The following SUCLG2 variants were observed in gnomAD, a reference collection of about 807,000 sequenced individuals.
SUCLG2 encodes the protein succinate-CoA ligase GDP-forming subunit beta, also known as succinate--CoA ligase [GDP-forming] subunit beta, mitochondrial.
In SUCLG2, 42 loss-of-function variants were observed where a neutral mutation model predicts 47.9. That is an observed-to-expected ratio of 0.88 (90% CI 0.69 to 1.14). The LOEUF (loss-of-function observed/expected upper bound fraction) is 1.14, where lower values mean the gene tolerates loss of function less well. Among genes scored for constraint, SUCLG2 ranks in the 50% most tolerant of loss-of-function variants. The pLI is 0.00. For synonymous variants in SUCLG2, 195 were observed against 197.3 expected, an observed-to-expected ratio of 0.99 and a Z score of 0.10; for missense variants, 571 against 525.9, an observed-to-expected ratio of 1.09 and a Z score of -0.84.
chr3:67,429,098 G>C (rs544784281), intron 9 of SUCLG2, among the ~76,000 whole-genome samples: 1 of 152,096 alleles, frequency 6.6e-6, no homozygotes, highest in African/African-American at 2.4e-5. Flanking sequence ...GAAATACAGA[G>C]AATGCCACAA....
intron 9 of SUCLG2, chr3:67,409,182 T>TGAGGAGGGGTCATGAAGGTACA: frequency 1.2e-6 from 1 of 828,662 alleles, no homozygotes; most frequent in Non-Finnish European, 1.8e-6. Flanking sequence ...TAGATGGGGC[T>TGAGGAGGGGTCATGAAGGTACA]GGGGAGGGGT....
chr3:67,410,017 C>G (rs990607904), intron 9 of SUCLG2, among the ~76,000 whole-genome samples: 1 of 152,156 alleles, frequency 6.6e-6, no homozygotes. Context: ...AATTTGGATT[C>G]TACCTTAATG....
intron 2 of SUCLG2, among the ~76,000 whole-genome samples, chr3:67,583,736 C>A (rs2107262792): frequency 6.6e-6 from 1 of 152,318 alleles, no homozygotes; most frequent in East Asian, 1.9e-4. Flanking sequence ...ACTGAGGTAT[C>A]CAGTTCCTTG....
chr3:67,451,865 T>C, intron 9 of SUCLG2, among the ~76,000 whole-genome samples: 1 of 152,252 alleles, frequency 6.6e-6, no homozygotes, highest in South Asian at 2.1e-4. Flanking sequence ...AAGAACCTGA[T>C]GTGTAGTGTT....
intron 9 of SUCLG2, among the ~76,000 whole-genome samples, chr3:67,459,529 A>C (rs1240671063): frequency 6.6e-6 from 1 of 152,186 alleles, no homozygotes; most frequent in Non-Finnish European, 1.5e-5. Flanking sequence ...GGTCAAGTTT[A>C]AATTTGGGTC....
intron 2 of SUCLG2, among the ~76,000 whole-genome samples, chr3:67,597,019 T>C (rs902981902): frequency 2.0e-5 from 3 of 152,202 alleles, no homozygotes; most frequent in Admixed American, 6.5e-5. Flanking sequence ...CCAGGGACTT[T>C]TGTTAACATG....
At chr3:67,545,540 AAC>A (rs1397635913) in intron 2 of SUCLG2, among the ~76,000 whole-genome samples, 3 of 152,306 alleles carry the variant, frequency 2.0e-5, no homozygotes, top group East Asian at 3.9e-4. Context: ...TCGAATGTTA[AAC>A]ACAGAGGGGA....
chr3:67,481,499 C>A (rs1298598494), intron 9 of SUCLG2, among the ~76,000 whole-genome samples: 2 of 152,236 alleles, frequency 1.3e-5, no homozygotes, highest in Non-Finnish European at 2.9e-5. Flanking sequence ...GCTTTTCAAA[C>A]TCTAACGTGC....
intron 5 of SUCLG2, among the ~76,000 whole-genome samples, chr3:67,519,260 G>A (rs928096136): frequency 1.3e-5 from 2 of 152,144 alleles, no homozygotes; most frequent in African/African-American, 4.8e-5. Flanking sequence ...CAATGGGATG[G>A]TGTCCCATCC....
At chr3:67,451,932 G>A (rs1704066760) in intron 9 of SUCLG2, among the ~76,000 whole-genome samples, 1 of 152,100 alleles carries the variant, frequency 6.6e-6, no homozygotes, top group Non-Finnish European at 1.5e-5. Flanking sequence ...TGAGGACCAG[G>A]ATAACTGAAA....
At chr3:67,605,307 A>G (rs1454486953) in intron 2 of SUCLG2, among the ~76,000 whole-genome samples, 2 of 152,200 alleles carry the variant, frequency 1.3e-5, no homozygotes, top group African/African-American at 4.8e-5. Flanking sequence ...AATACTCTGA[A>G]GTTTTGCCAG....
intron 4 of SUCLG2, among the ~76,000 whole-genome samples, chr3:67,521,639 G>A (rs1559556675): frequency 6.7e-6 from 1 of 150,026 alleles, no homozygotes. Flanking sequence ...GTCTCACTCT[G>A]TCACTGAGGC....
intron 1 of SUCLG2, among the ~76,000 whole-genome samples, chr3:67,610,508 GAA>G (rs796945028): frequency 8.0e-6 from 1 of 124,322 alleles, no homozygotes; most frequent in Non-Finnish European, 1.7e-5. Flanking sequence ...TTAAAAGAAG[GAA>G]AAAAAAAAAA....
chr3:67,625,816 A>G (rs530502823), intron 1 of SUCLG2, among the ~76,000 whole-genome samples: 118 of 152,268 alleles, frequency 7.7e-4, no homozygotes, highest in Non-Finnish European at 1.5e-3. Flanking sequence ...GTGGGGACAC[A>G]GAAAGGATGA....
At chr3:67,476,342 C>T (rs1704755506) in intron 9 of SUCLG2, among the ~76,000 whole-genome samples, 1 of 151,970 alleles carries the variant, frequency 6.6e-6, no homozygotes, top group Non-Finnish European at 1.5e-5. Context: ...GGATTAGATT[C>T]CCATGAGCAT....
chr3:67,617,534 T>A (rs1700652172), intron 1 of SUCLG2, among the ~76,000 whole-genome samples: 1 of 152,214 alleles, frequency 6.6e-6, no homozygotes, highest in South Asian at 2.1e-4. Flanking sequence ...AAACAGAACG[T>A]CACTTTTGTT....
At chr3:67,442,003 A>G (rs904043531) in intron 9 of SUCLG2, among the ~76,000 whole-genome samples, 2 of 149,176 alleles carry the variant, frequency 1.3e-5, no homozygotes, top group Admixed American at 1.4e-4. Context: ...CTGGCTGTCT[A>G]CTTTCTTTCT....
At chr3:67,585,185 A>G (rs186244427) in intron 2 of SUCLG2, among the ~76,000 whole-genome samples, 2 of 152,252 alleles carry the variant, frequency 1.3e-5, no homozygotes, top group East Asian at 1.9e-4. Flanking sequence ...CCATGCTCCA[A>G]TTTCACCTCA....
At chr3:67,513,653 G>A (rs987365244) in intron 6 of SUCLG2, among the ~76,000 whole-genome samples, 1 of 152,204 alleles carries the variant, frequency 6.6e-6, no homozygotes, top group African/African-American at 2.4e-5. Context: ...TTAAAAATAA[G>A]CACAGGTCAA....
Sources: allele counts gnomAD v4.1 joint callset (sites outside exome capture counted in the v4.1 genomes callset), GRCh38; gene constraint gnomAD v4.1.1; transcripts MANE v1.5; gene names NCBI Gene and HGNC (gene_info 2026-07-23, HGNC 2026-07-21).